ALK: variants seen among roughly 807,000 people sequenced by gnomAD.
ALK encodes ALK tyrosine kinase receptor.
In ALK, 74 loss-of-function variants were observed where a neutral mutation model predicts 163.1. That is an observed-to-expected ratio of 0.45 (90% CI 0.38 to 0.55). ALK has a LOEUF of 0.55. ALK is among the 20% of genes least tolerant of loss of function. The pLI is 0.00. For synonymous variants in ALK, 960 were observed against 843.2 expected (o/e 1.14, Z -2.40); for missense variants, 2,063 against 2,105.3 (o/e 0.98, Z 0.39).
intron 1 of ALK, among the ~76,000 whole-genome samples, chr2:29,832,484 G>A (rs1431527874): frequency 1.3e-5 from 2 of 152,204 alleles, no homozygotes; most frequent in African/African-American, 4.8e-5. Flanking sequence ...GATATGTAGG[G>A]TGCACATGAG....
At position 29,559,104 on chromosome 2, in the gene ALK, A is replaced by G. The variant is rs1197009040; in HGVS notation, c.953-26988T>C. Among the ~76,000 whole-genome samples the G allele has an allele frequency of 2.0e-5, 3 of 152,194 alleles. No homozygotes were observed. The East Asian group carries it at 5.8e-4, about 29-fold the overall frequency. ...TTGAAGGGTTCAGACAAGTCTACCC[A>G]GATCTGAGGGCAAAAAGTGTTTCTG... On this transcript the variant is annotated intron_variant, in intron 3 of 28. Coordinates refer to ENST00000389048, the MANE Select transcript of ALK (RefSeq NM_004304.5).
intron 9 of ALK, among the ~76,000 whole-genome samples, chr2:29,284,669 G>T (rs1017857012): frequency 6.6e-6 from 1 of 152,152 alleles, no homozygotes; most frequent in East Asian, 1.9e-4. Context: ...GCAACAACTT[G>T]TCCCAAACGT....
intron 4 of ALK, among the ~76,000 whole-genome samples, chr2:29,523,688 C>T (rs1672874233): frequency 6.6e-6 from 1 of 151,972 alleles, no homozygotes; most frequent in African/African-American, 2.4e-5. Flanking sequence ...GCCAAGATGC[C>T]ATTCTGACAA....
chr2:29,580,174 A>G lies in ALK; in HGVS notation c.953-48058T>C, dbSNP rs576469100. 2.6e-5 allele frequency among the ~76,000 whole-genome samples: 4 copies of G among 152,272 alleles called. No individual in the cohort carries two copies. The East Asian group carries it at 7.7e-4, about 29-fold the overall frequency. On this transcript the variant is annotated intron_variant, in intron 3 of 28. Transcript: ENST00000389048. The stretch of plus-strand genomic sequence containing the variant: ...TATTAAGCCACAGGAAAAAAAATCC[A>G]ATTTGTTTTTTATGAAAGTCCAACC...
chr2:29,504,476 A>G (rs1672262625), intron 4 of ALK, among the ~76,000 whole-genome samples: 2 of 152,190 alleles, frequency 1.3e-5, no homozygotes. Context: ...GTCAGGAGGT[A>G]CTGCTGTATC....
intron 2 of ALK, among the ~76,000 whole-genome samples, chr2:29,696,087 A>G (rs1411502382): frequency 1.3e-5 from 2 of 152,192 alleles, no homozygotes; most frequent in Non-Finnish European, 1.5e-5. Context: ...ATGCCTACAT[A>G]TGTTTACTGA....
intron 4 of ALK, among the ~76,000 whole-genome samples, chr2:29,398,880 G>C (rs904663051): frequency 3.3e-5 from 5 of 152,198 alleles, no homozygotes; most frequent in African/African-American, 1.2e-4. Flanking sequence ...CTGAGCCTCT[G>C]ATTCAAAGCG....
chr2:29,436,706 T>C (rs1670409284), intron 4 of ALK, among the ~76,000 whole-genome samples: 2 of 152,216 alleles, frequency 1.3e-5, no homozygotes, highest in African/African-American at 2.4e-5. Context: ...GGCCCAATCG[T>C]ATCTGTGACC....
chr2:29,863,631 T>TA (rs1233401700), intron 1 of ALK, among the ~76,000 whole-genome samples: 1 of 152,008 alleles, frequency 6.6e-6, no homozygotes, highest in African/African-American at 2.4e-5. Flanking sequence ...AAATAACAAG[T>TA]GTTGCTGAGG....
At chr2:29,897,045 C>A (rs931031549) in intron 1 of ALK, among the ~76,000 whole-genome samples, 1 of 152,130 alleles carries the variant, frequency 6.6e-6, no homozygotes, top group Non-Finnish European at 1.5e-5. Flanking sequence ...AGAGGCCAGG[C>A]GCGGTGGCTC....
chr2:29,710,501 T>TGTGTGC (rs1553350600), intron 2 of ALK, among the ~76,000 whole-genome samples: 1 of 113,430 alleles, frequency 8.8e-6, no homozygotes, highest in African/African-American at 7.0e-5. Context: ...TCTGTGTGCG[T>TGTGTGC]GTGTGTGTGT....
intron 3 of ALK, among the ~76,000 whole-genome samples, chr2:29,580,852 T>C (rs1378010790): frequency 6.6e-6 from 1 of 152,166 alleles, no homozygotes; most frequent in Non-Finnish European, 1.5e-5. Flanking sequence ...GTCAGCTCTA[T>C]GGGGTTTTGC....
chr2:29,624,115 A>G (rs1573507655), intron 3 of ALK, among the ~76,000 whole-genome samples: 1 of 23,874 alleles, frequency 4.2e-5, no homozygotes, highest in Admixed American at 4.5e-4. Context: ...GAGGAAAAAA[A>G]TCATTGTCAG....
intron 4 of ALK, among the ~76,000 whole-genome samples, chr2:29,458,965 C>T (rs1320763489): frequency 3.3e-5 from 5 of 152,164 alleles, no homozygotes; most frequent in African/African-American, 9.7e-5. Flanking sequence ...TACAGGACCA[C>T]ACTTTTCCAT....
At chr2:29,336,303 C>T (rs528392368) in intron 5 of ALK, among the ~76,000 whole-genome samples, 8 of 152,126 alleles carry the variant, frequency 5.3e-5, no homozygotes, top group South Asian at 2.1e-4. Context: ...GAGTTAGTGT[C>T]GACTTTATTA....
chr2:29,391,645 T>A (rs1669177937), intron 4 of ALK, among the ~76,000 whole-genome samples: 1 of 152,094 alleles, frequency 6.6e-6, no homozygotes, highest in South Asian at 2.1e-4. Flanking sequence ...TCCCCTTTTT[T>A]TCTCTCCTCC....
At chr2:29,639,915 A>G (rs1676651455) in intron 3 of ALK, among the ~76,000 whole-genome samples, 1 of 152,188 alleles carries the variant, frequency 6.6e-6, no homozygotes, top group East Asian at 1.9e-4. Context: ...CTCCCAGAGT[A>G]ACAATGCCAC....
chr2:29,423,938 C>T (rs1670077166), intron 4 of ALK, among the ~76,000 whole-genome samples: 1 of 152,192 alleles, frequency 6.6e-6, no homozygotes, highest in African/African-American at 2.4e-5. Flanking sequence ...AGACTCCCTC[C>T]TTCCCCTTTC....
intron 5 of ALK, among the ~76,000 whole-genome samples, chr2:29,335,812 G>A (rs563768158): frequency 6.6e-6 from 1 of 152,246 alleles, no homozygotes; most frequent in African/African-American, 2.4e-5. Flanking sequence ...GGCTGAGGTA[G>A]GTGGATTGCT....
Sources: allele counts gnomAD v4.1 joint callset (sites outside exome capture counted in the v4.1 genomes callset), GRCh38; gene constraint gnomAD v4.1.1; transcripts MANE v1.5; gene names NCBI Gene and HGNC (gene_info 2026-07-23, HGNC 2026-07-21).